PABPC4L: variants seen among roughly 807,000 people sequenced by gnomAD.
PABPC4L encodes polyadenylate-binding protein 4-like.
For synonymous variants in PABPC4L, 169 were observed against 164.1 expected, an observed-to-expected ratio of 1.03 and a Z score of -0.23; for missense variants, 452 against 451.4, an observed-to-expected ratio of 1.00 and a Z score of -0.01.
chr4:134,045,254 G>T, the PABPC4L span, among the ~76,000 whole-genome samples: 2 of 151,982 alleles, frequency 1.3e-5, no homozygotes, highest in African/African-American at 4.8e-5. Flanking sequence ...TTATACCCAT[G>T]AAAAAACAAT....
the PABPC4L span, chr4:133,978,192 T>C: frequency 1.3e-5 from 2 of 152,230 alleles, no homozygotes; most frequent in African/African-American, 4.8e-5. Context: ...GATGTATATG[T>C]TCCAGATAAC....
At chr4:134,183,847 AG>A in the PABPC4L span, among the ~76,000 whole-genome samples, 1 of 151,844 alleles carries the variant, frequency 6.6e-6, no homozygotes, top group Admixed American at 6.6e-5. Context: ...CTATATTTTA[AG>A]GATTTTAATT....
the PABPC4L span, among the ~76,000 whole-genome samples, chr4:134,094,743 T>A: frequency 1.3e-5 from 2 of 151,706 alleles, no homozygotes; most frequent in African/African-American, 4.8e-5. Flanking sequence ...GGTAGCATTT[T>A]TCTTTTAAAA....
chr4:134,016,692 C>T, the PABPC4L span, among the ~76,000 whole-genome samples: 7 of 152,126 alleles, frequency 4.6e-5, no homozygotes, highest in Non-Finnish European at 8.8e-5. Context: ...TCTATTCTGT[C>T]GTCATTTCAT....
the PABPC4L span, among the ~76,000 whole-genome samples, chr4:134,159,727 G>A: frequency 6.6e-6 from 1 of 152,084 alleles, no homozygotes; most frequent in South Asian, 2.1e-4. Flanking sequence ...TGCAGTCCCT[G>A]GGCAAGCCCT....
At chr4:134,105,480 T>C in the PABPC4L span, among the ~76,000 whole-genome samples, 1 of 151,708 alleles carries the variant, frequency 6.6e-6, no homozygotes, top group Non-Finnish European at 1.5e-5. Context: ...AAGAGGCCAA[T>C]AAAACTGAAA....
At chr4:134,099,626 T>C in the PABPC4L span, among the ~76,000 whole-genome samples, 1 of 151,764 alleles carries the variant, frequency 6.6e-6, no homozygotes. Flanking sequence ...AATTACAAAA[T>C]GGGGATTTCA....
At chr4:134,055,158 T>C in the PABPC4L span, among the ~76,000 whole-genome samples, 1 of 152,054 alleles carries the variant, frequency 6.6e-6, no homozygotes, top group Admixed American at 6.6e-5. Context: ...AAAAATCATA[T>C]ATTGAAGCTC....
At chr4:133,957,111 A>C in the PABPC4L span, among the ~76,000 whole-genome samples, 2 of 152,216 alleles carry the variant, frequency 1.3e-5, no homozygotes, top group Non-Finnish European at 2.9e-5. Flanking sequence ...TCATTCCAGC[A>C]TTAAACCAAA....
At chr4:134,130,081 AC>A in the PABPC4L span, among the ~76,000 whole-genome samples, 21 of 150,738 alleles carry the variant, frequency 1.4e-4, no homozygotes, top group South Asian at 4.3e-4. Context: ...AAAAAAAAAA[AC>A]AACTTTGAAA....
At chr4:134,146,494 A>G in the PABPC4L span, among the ~76,000 whole-genome samples, 1 of 152,166 alleles carries the variant, frequency 6.6e-6, no homozygotes, top group Non-Finnish European at 1.5e-5. Flanking sequence ...AGCAATAGGA[A>G]ATATTTCAGC....
chr4:134,031,695 G>T, the PABPC4L span, among the ~76,000 whole-genome samples: 10 of 151,908 alleles, frequency 6.6e-5, 1 homozygote, highest in South Asian at 2.1e-3. Flanking sequence ...GGAGGCTGGA[G>T]AGTCTAGACT....
chr4:134,071,857 G>T, the PABPC4L span, among the ~76,000 whole-genome samples: 2 of 152,132 alleles, frequency 1.3e-5, no homozygotes, highest in Non-Finnish European at 2.9e-5. Context: ...CTTTATAGTT[G>T]CCTGTTTGTC....
the PABPC4L span, among the ~76,000 whole-genome samples, chr4:134,132,701 A>T: frequency 2.6e-5 from 4 of 151,690 alleles, no homozygotes; most frequent in Admixed American, 2.6e-4. Context: ...CAGCAATCCC[A>T]CTACTGGTTA....
chr4:134,012,749 T>C, the PABPC4L span, among the ~76,000 whole-genome samples: 1 of 152,126 alleles, frequency 6.6e-6, no homozygotes, highest in South Asian at 2.1e-4. Flanking sequence ...CCAAGAAACG[T>C]CTCACCAATT....
At chr4:134,164,252 G>A in the PABPC4L span, among the ~76,000 whole-genome samples, 114 of 98,240 alleles carry the variant, frequency 1.2e-3, no homozygotes, top group Non-Finnish European at 1.7e-3. Context: ...GACAGAGCGA[G>A]ACTCCGTCTC....
downstream of PABPC4L, among the ~76,000 whole-genome samples, chr4:134,192,229 A>T (rs969550568): frequency 6.6e-6 from 1 of 152,138 alleles, no homozygotes; most frequent in Non-Finnish European, 1.5e-5. Context: ...ACATGGATGA[A>T]ACTTTAAAAC....
the PABPC4L span, among the ~76,000 whole-genome samples, chr4:133,976,526 G>A: frequency 6.6e-6 from 1 of 152,094 alleles, no homozygotes; most frequent in African/African-American, 2.4e-5. Flanking sequence ...AATCTTTGAG[G>A]AATAGCCACA....
the PABPC4L span, among the ~76,000 whole-genome samples, chr4:134,109,776 T>C: frequency 6.6e-6 from 1 of 151,854 alleles, no homozygotes; most frequent in South Asian, 2.1e-4. Flanking sequence ...GACATCGTCT[T>C]GCTCTGTCAC....
Sources: gnomAD v4.1 joint callset for allele counts (sites outside exome capture counted in the v4.1 genomes callset) on GRCh38, gnomAD v4.1.1 for gene constraint, MANE v1.5 for transcripts, NCBI Gene and HGNC (gene_info 2026-07-23, HGNC 2026-07-21) for gene names.